The following STK32C variants were observed in gnomAD, a reference collection of about 807,000 sequenced individuals.
STK32C encodes the protein serine/threonine-protein kinase 32C.
Under a neutral mutation model 56.5 loss-of-function variants are expected in STK32C, and 31 were observed. The ratio of observed to expected loss-of-function variants is 0.55; its 90% CI spans 0.41 to 0.74. The LOEUF is 0.74. Ranked by LOEUF, STK32C falls within the 30% of genes least tolerant of loss-of-function variation. The probability of loss-of-function intolerance (pLI) is 0.00; values close to 1 mark genes in which losing one functional copy is unlikely to be tolerated. For missense variants in STK32C, 544 were observed against 676.9 expected (o/e 0.80, Z 2.18); for synonymous variants, 309 against 289.4 (o/e 1.07, Z -0.69).
chr10:132,248,756 C>T (rs2063779042), intron 1 of STK32C, among the ~76,000 whole-genome samples: 1 of 152,174 alleles, frequency 6.6e-6, no homozygotes, highest in Non-Finnish European at 1.5e-5. Context: ...CCCTGGGAAA[C>T]GAAGCCAGCA....
chr10:132,234,630 C>G (rs34702789), intron 2 of STK32C, among the ~76,000 whole-genome samples: 3,511 of 152,344 alleles, frequency 0.023, 50 homozygotes, highest in Admixed American at 0.043. Flanking sequence ...TGCCAGGGCT[C>G]TCCCCCTCCT....
rs896050221 is a variant in STK32C, at chr10:132,207,583, C to T, written c.*427G>A. The T allele has an allele frequency of 5.9e-6, 1 of 170,264 alleles. No homozygotes were observed. The highest frequency in any genetic ancestry group is 1.2e-5 in the Non-Finnish European group (1 of 80,708). 10.5% of individuals were successfully genotyped at this position (170,264 alleles called of 1,614,324 possible). On this transcript the variant is annotated 3_prime_UTR_variant, in exon 12 of 12. Transcript: ENST00000298630. The stretch of plus-strand genomic sequence containing the variant: ...TAGAAAACATTCACCTCCCCACCCA[C>T]TACCCCAACCCATGCCCTTGACCTC...
chr10:132,230,155 C>A (rs1025895192), intron 2 of STK32C, among the ~76,000 whole-genome samples: 1 of 142,226 alleles, frequency 7.0e-6, no homozygotes, highest in Non-Finnish European at 1.5e-5. Flanking sequence ...GAGGGCGGGG[C>A]GGGGCGGGAT....
intron 1 of STK32C, among the ~76,000 whole-genome samples, chr10:132,246,432 C>A (rs1413228923): frequency 6.6e-6 from 1 of 152,216 alleles, no homozygotes. Context: ...GGGTGTCAGC[C>A]CTGCTGGCAC....
At chr10:132,222,522 G>C in intron 10 of STK32C, 119 bp downstream of exon 10, 5 of 1,303,630 alleles carry the variant, frequency 3.8e-6, no homozygotes, top group East Asian at 2.5e-5. Flanking sequence ...TTCAGGAAAC[G>C]GTCTGCTGGA....
upstream of STK32C, among the ~76,000 whole-genome samples, chr10:132,311,778 T>G (rs1397075721): frequency 6.6e-6 from 1 of 152,208 alleles, no homozygotes; most frequent in Non-Finnish European, 1.5e-5. This position sits in a 1 kb window ranked among gnomAD's most constrained non-coding sequence, Gnocchi z 4.4. Context: ...TCATTGGACT[T>G]AGGGCCCACC....
chr10:132,281,178 GAC>G (rs10556901), intron 1 of STK32C, among the ~76,000 whole-genome samples: 43,328 of 149,128 alleles, frequency 0.29, 6,326 homozygotes, highest in South Asian at 0.38. Flanking sequence ...GATCCTCGTG[GAC>G]ACACACACAC....
chr10:132,282,831 G>T (rs1469810762), intron 1 of STK32C, among the ~76,000 whole-genome samples: 1 of 152,230 alleles, frequency 6.6e-6, no homozygotes. Flanking sequence ...CTGCTGGAGC[G>T]AAGGGAAGAA....
intron 1 of STK32C, among the ~76,000 whole-genome samples, chr10:132,253,742 C>T (rs549709139): frequency 1.3e-5 from 2 of 152,238 alleles, no homozygotes; most frequent in Non-Finnish European, 2.9e-5. Context: ...AACACCGGCT[C>T]GAGGCGAGAG....
At chr10:132,218,956 CAT>C (rs1009329190) in intron 10 of STK32C, among the ~76,000 whole-genome samples, 1 of 152,216 alleles carries the variant, frequency 6.6e-6, no homozygotes, top group Non-Finnish European at 1.5e-5. Context: ...GCAAAGACCA[CAT>C]AGTGTGTAAC....
At chr10:132,212,191 T>C (rs957562864) in intron 10 of STK32C, among the ~76,000 whole-genome samples, 3 of 152,176 alleles carry the variant, frequency 2.0e-5, no homozygotes, top group African/African-American at 7.2e-5. Flanking sequence ...CAGATCCTGA[T>C]TTGAAAGCTT....
intron 1 of STK32C, among the ~76,000 whole-genome samples, chr10:132,287,628 T>A (rs182115924): frequency 6.6e-6 from 1 of 151,776 alleles, no homozygotes; most frequent in East Asian, 2.0e-4. Context: ...ATTTTTGTGA[T>A]TTTTAGTAGA....
intron 1 of STK32C, among the ~76,000 whole-genome samples, chr10:132,302,487 C>T (rs904966908): frequency 6.6e-6 from 1 of 152,178 alleles, no homozygotes; most frequent in Non-Finnish European, 1.5e-5. Flanking sequence ...CCGGGGAAGC[C>T]AGGAGCAAAC....
chr10:132,278,136 C>T (rs2065043189), intron 1 of STK32C, among the ~76,000 whole-genome samples: 1 of 152,146 alleles, frequency 6.6e-6, no homozygotes, highest in Non-Finnish European at 1.5e-5. Context: ...TGCCCTCTGA[C>T]TTGGCTCTCA....
chr10:132,222,357 A>C (rs2062708269), intron 10 of STK32C, among the ~76,000 whole-genome samples: 1 of 151,844 alleles, frequency 6.6e-6, no homozygotes. Flanking sequence ...CGCACACACA[A>C]CCAACACCAG....
At chr10:132,258,869 C>T (rs140783098) in intron 1 of STK32C, among the ~76,000 whole-genome samples, 2 of 152,394 alleles carry the variant, frequency 1.3e-5, no homozygotes, top group Non-Finnish European at 2.9e-5. Context: ...TCTTCCACAA[C>T]ATGAAGGTCT....
intron 1 of STK32C, among the ~76,000 whole-genome samples, chr10:132,264,751 C>T (rs1321619875): frequency 1.3e-5 from 2 of 152,128 alleles, no homozygotes; most frequent in Non-Finnish European, 2.9e-5. Context: ...CGAGGTGGGA[C>T]CTAGCAGACA....
chr10:132,319,164 G>C (rs1225296455), downstream of STK32C, among the ~76,000 whole-genome samples: 2 of 152,232 alleles, frequency 1.3e-5, no homozygotes, highest in South Asian at 2.1e-4. Context: ...GGCCAGGCTG[G>C]TCTCGAAATC....
At chr10:132,293,136 C>T (rs2065623493) in intron 1 of STK32C, among the ~76,000 whole-genome samples, 1 of 152,238 alleles carries the variant, frequency 6.6e-6, no homozygotes, top group African/African-American at 2.4e-5. Flanking sequence ...GCGGGGAGGG[C>T]AGCGCTGGGG....
Sources: gnomAD v4.1 joint callset for allele counts (sites outside exome capture counted in the v4.1 genomes callset) on GRCh38, gnomAD v4.1.1 for gene constraint, Gnocchi (gnomAD v3.1) non-coding constraint, MANE v1.5 for transcripts, NCBI Gene and HGNC (gene_info 2026-07-23, HGNC 2026-07-21) for gene names.